Variants in KDM2B observed in about 807,000 individuals in gnomAD.
KDM2B encodes the protein lysine-specific demethylase 2B.
KDM2B carries 26 observed loss-of-function variants against 150.0 expected under a neutral mutation model. That is an observed-to-expected ratio of 0.17 (90% CI 0.13 to 0.24). The LOEUF is 0.24. Among genes scored for constraint, KDM2B ranks in the 10% least tolerant of loss-of-function variants. The probability of loss-of-function intolerance (pLI) is 1.00; values close to 1 mark genes in which losing one functional copy is unlikely to be tolerated. For missense variants in KDM2B, 1,265 were observed against 1,816.9 expected (o/e 0.70, Z 5.52); for synonymous variants, 734 against 729.5 (o/e 1.01, Z -0.10).
chr12:121,471,091 T>C (rs2139652725), intron 12 of KDM2B, among the ~76,000 whole-genome samples: 1 of 152,380 alleles, frequency 6.6e-6, no homozygotes, highest in South Asian at 2.1e-4. Context: ...ATTAATAGTG[T>C]GCTGGACTAT....
rs1172016000 is a variant in KDM2B at position 121,442,140 on chromosome 12, C to T, written c.3284+17G>A. On this transcript the variant is annotated intron_variant, in intron 19 of 22. Transcript: ENST00000377071. This position sits in a 1 kb window ranked among gnomAD's most constrained non-coding sequence, Gnocchi z 7.7. ...GCCTGAGCCTTAACCTAGAGCCCTA[C>T]ACAGGCCGCCGCTCACCAGCGGTTC... The T allele has an allele frequency of 6.2e-7, 1 of 1,611,928 alleles. No homozygotes were observed. Among genetic ancestry groups the T allele is most frequent in the Admixed American group, 1.7e-5 (1 of 59,984 alleles).
At chr12:121,417,071 C>T in the KDM2B span, among the ~76,000 whole-genome samples, 1 of 152,194 alleles carries the variant, frequency 6.6e-6, no homozygotes, top group African/African-American at 2.4e-5. The surrounding 1 kb of genome is among the most constrained non-coding windows in gnomAD (Gnocchi z 5.0). Flanking sequence ...TTGGATTCAC[C>T]TTGAGAGATC....
At chr12:121,460,633 TC>T (rs1378181523) in intron 12 of KDM2B, among the ~76,000 whole-genome samples, 1 of 152,142 alleles carries the variant, frequency 6.6e-6, no homozygotes, top group Non-Finnish European at 1.5e-5. Flanking sequence ...GTCTCGATCT[TC>T]TGGGTTCAAG....
At chr12:121,579,671 C>T (rs1555317569) in intron 1 of KDM2B, 3 of 1,378,548 alleles carry the variant, frequency 2.2e-6, no homozygotes, top group South Asian at 2.4e-5. Flanking sequence ...AGGAGACTCC[C>T]CCACCACTCC....
downstream of KDM2B, chr12:121,424,150 T>G (rs1872392234): frequency 6.5e-6 from 1 of 152,806 alleles, no homozygotes; most frequent in South Asian, 2.1e-4. Flanking sequence ...TGCCAGGGCC[T>G]TAGACTCCAC....
chr12:121,432,339 TC>T (rs1474958205), intron 22 of KDM2B, among the ~76,000 whole-genome samples: 2 of 152,232 alleles, frequency 1.3e-5, no homozygotes, highest in Non-Finnish European at 2.9e-5. Flanking sequence ...AAACTCATGA[TC>T]CCCAAAACTC....
At chr12:121,461,754 C>T (rs1228197568) in intron 12 of KDM2B, among the ~76,000 whole-genome samples, 7 of 152,146 alleles carry the variant, frequency 4.6e-5, no homozygotes, top group African/African-American at 1.7e-4. Context: ...AGCTAAGGTA[C>T]ACACCTGGGA....
At chr12:121,420,124 C>T in the KDM2B span, 8 of 914,800 alleles carry the variant, frequency 8.7e-6, no homozygotes, top group Non-Finnish European at 1.4e-5. Context: ...ATTCTGAATC[C>T]AAAGATGTGC....
intron 11 of KDM2B, among the ~76,000 whole-genome samples, chr12:121,497,106 G>A (rs1377093260): frequency 6.6e-6 from 1 of 152,118 alleles, no homozygotes; most frequent in African/African-American, 2.4e-5. Context: ...CAGCACAGTG[G>A]TCAAGAATGT....
In KDM2B at chr12:121,520,355, T is replaced by C. The variant is rs1432646368; in HGVS notation, c.1047+630A>G. ...CATCAGTTACCTAAGCCTCCGCCCA[T>C]GTTCGTAGGACATGGGGTGAGTGAG... On this transcript the variant is annotated intron_variant, in intron 9 of 22. Transcript: ENST00000377071. This position sits in a 1 kb window ranked among gnomAD's most constrained non-coding sequence, Gnocchi z 4.5. Among the ~76,000 whole-genome samples the C allele has an allele frequency of 6.6e-6, 1 of 152,104 alleles. No homozygotes were observed. The highest frequency in any genetic ancestry group is 1.5e-5 in the Non-Finnish European group (1 of 68,030).
In KDM2B at chr12:121,518,842, G is replaced by A. The variant is rs549753985; in HGVS notation, c.1047+2143C>T. Among the ~76,000 whole-genome samples the A allele has an allele frequency of 1.3e-5, 2 of 152,190 alleles. No homozygotes were observed. The highest frequency in any genetic ancestry group is 4.1e-4 in the South Asian group (2 of 4,834). ...CGTCTGCTCGTGCACAAACTGGCCT[G>A]TACTCCAGGACAGGCCAAAGAACAG... On this transcript the variant is annotated intron_variant, in intron 9 of 22. Coordinates refer to ENST00000377071, the MANE Select transcript of KDM2B (RefSeq NM_032590.5). This position sits in a 1 kb window ranked among gnomAD's most constrained non-coding sequence, Gnocchi z 4.4.
At chr12:121,565,786 C>A (rs918214618) in intron 4 of KDM2B, among the ~76,000 whole-genome samples, 1 of 151,978 alleles carries the variant, frequency 6.6e-6, no homozygotes, top group African/African-American at 2.4e-5. Flanking sequence ...CCACCACACC[C>A]GGCTTATTTT....
intron 4 of KDM2B, among the ~76,000 whole-genome samples, chr12:121,550,084 C>A (rs952181357): frequency 1.3e-5 from 2 of 150,908 alleles, no homozygotes; most frequent in Admixed American, 6.6e-5. Context: ...CCGAGGAGGG[C>A]GGATTACCTG....
the KDM2B span, chr12:121,423,550 C>T: frequency 4.3e-6 from 7 of 1,613,826 alleles, no homozygotes; most frequent in Admixed American, 1.7e-5. The surrounding 1 kb of genome is among the most constrained non-coding windows in gnomAD (Gnocchi z 4.3). Context: ...GTATGTGGTG[C>T]GAGCCGTGCA....
chr12:121,445,158 C>T lies in KDM2B; in HGVS notation c.2103+117G>A, dbSNP rs1555289863. The T allele has an allele frequency of 3.2e-6, 4 of 1,254,454 alleles. No individual in the cohort carries two copies. In the Admixed American group the frequency reaches 7.8e-5, roughly 25 times the overall value. The allele number at this position is 1,254,454 out of a possible 1,614,324, so 77.7% of individuals were successfully genotyped here. ...CCCTTGACACACAGGATCACCCAGACTCAGGGGTCCTCCAGGAATTCACTG... is the reference window on the plus strand; with the variant it reads ...CCCTTGACACACAGGATCACCCAGATTCAGGGGTCCTCCAGGAATTCACTG... On this transcript the variant is annotated intron_variant, in intron 14 of 22. Transcript: ENST00000377071.
chr12:121,449,321 A>G (rs1200936830), intron 13 of KDM2B, among the ~76,000 whole-genome samples: 1 of 151,990 alleles, frequency 6.6e-6, no homozygotes, highest in Non-Finnish European at 1.5e-5. Context: ...CCAGAAAAGG[A>G]AGATAGGTGG....
At chr12:121,444,371 C>G in intron 15 of KDM2B, 79 bp downstream of exon 15, 1 of 1,607,342 alleles carries the variant, frequency 6.2e-7, no homozygotes, top group South Asian at 1.1e-5. Flanking sequence ...GCCTGAAACT[C>G]CTGGGACAGG....
chr12:121,463,043 G>A lies in KDM2B; in HGVS notation c.1735-9699C>T, dbSNP rs534377374. ...AAAAAAAAAAAAAAAGAGGCCAGGC[G>A]TGGTGGCTCACGCCTATAATCCCAG... is the stretch of plus-strand genomic sequence containing the variant. On this transcript the variant is annotated intron_variant, in intron 12 of 22. Transcript: ENST00000377071. 4.7e-4 allele frequency among the ~76,000 whole-genome samples: 71 copies of A among 150,866 alleles called. 2 individuals carry two copies. The East Asian group carries it at 0.011, about 24-fold the overall frequency.
downstream of KDM2B, among the ~76,000 whole-genome samples, chr12:121,428,505 A>AAAAAT (rs1555284587): frequency 2.6e-5 from 4 of 152,154 alleles, no homozygotes; most frequent in African/African-American, 9.7e-5. Context: ...TTGCCATAGT[A>AAAAAT]AAAATAAAAG....
Sources: allele counts gnomAD v4.1 joint callset (sites outside exome capture counted in the v4.1 genomes callset), GRCh38; gene constraint gnomAD v4.1.1; non-coding constraint Gnocchi (gnomAD v3.1); transcripts MANE v1.5; gene names NCBI Gene and HGNC (gene_info 2026-07-23, HGNC 2026-07-21).